VIRMA: variants seen among roughly 807,000 people sequenced by gnomAD.
VIRMA encodes protein virilizer homolog.
VIRMA carries 65 observed loss-of-function variants against 182.4 expected under a neutral mutation model. The ratio of observed to expected loss-of-function variants is 0.36; its 90% confidence interval spans 0.29 to 0.44. The LOEUF (loss-of-function observed/expected upper bound fraction) is 0.44. Ranked by LOEUF, VIRMA falls within the 20% of genes least tolerant of loss-of-function variation. The pLI is 1.00. For synonymous variants in VIRMA, 709 were observed against 743.1 expected, an observed-to-expected ratio of 0.95 and a Z score of 0.75; for missense variants, 1,752 against 2,158.1, an observed-to-expected ratio of 0.81 and a Z score of 3.73.
Position 94,553,436 on chromosome 8 carries a change from G to A in VIRMA, c.12C>T (p.Asp4=). The A allele has an allele frequency of 1.2e-6, 2 of 1,614,220 alleles. No individual in the cohort carries two copies. Among genetic ancestry groups the A allele is most frequent in the African/African-American group, 1.3e-5 (1 of 75,064 alleles). Residue 4 remains aspartate (D), a synonymous_variant, in exon 1 of 24, where the codon GAC becomes GAT. Coordinates refer to ENST00000297591, the MANE Select transcript of VIRMA (RefSeq NM_015496.5). MAV[D]SAMELLFLDT... is the part of the protein sequence containing the mutation. ...CTAAAAATAACAGCTCCATCGCCGAGTCCACCGCCATGTTTGCCGCGGGCG... is the reference window on the plus strand; with the variant it reads ...CTAAAAATAACAGCTCCATCGCCGAATCCACCGCCATGTTTGCCGCGGGCG...
At chr8:94,534,134 T>C (rs1422267125) in intron 5 of VIRMA, 19 of 152,208 alleles carry the variant, frequency 1.2e-4, no homozygotes, top group African/African-American at 4.3e-4. Context: ...AAGTTCTTAT[T>C]TTTCTTGTTT....
chr8:94,491,101 G>A (rs979035349), intron 22 of VIRMA, among the ~76,000 whole-genome samples: 1 of 149,258 alleles, frequency 6.7e-6, no homozygotes, highest in African/African-American at 2.5e-5. Flanking sequence ...ATCACTTGAG[G>A]TCAGGAGTTT....
chr8:94,495,987 C>T lies in VIRMA; in HGVS notation c.4384-96G>A, dbSNP rs1813761585. The T allele has an allele frequency of 4.5e-6, 5 of 1,099,306 alleles. No homozygotes were observed. In the South Asian group the frequency reaches 8.7e-5, roughly 19 times the overall value. The allele number at this position is 1,099,306 out of a possible 1,614,324, so 68.1% of individuals were successfully genotyped here. Reference sequence around the variant, plus strand: ...GTAGAAAAGGCTATATGTATTATTACTAAGAAATTTGGAACACTGTCCAGA... The same window carrying T: ...GTAGAAAAGGCTATATGTATTATTATTAAGAAATTTGGAACACTGTCCAGA... On this transcript the variant is annotated intron_variant, in intron 18 of 23. Transcript: ENST00000297591.
At position 94,519,442 on chromosome 8, in the gene VIRMA, T is replaced by A. The variant is rs748199368; in HGVS notation, c.2056A>T (p.Thr686Ser). 1 of 1,526,946 alleles carries A rather than the reference T, an allele frequency of 6.5e-7. No homozygotes were observed. The highest frequency in any genetic ancestry group is 8.8e-7 in the Non-Finnish European group (1 of 1,142,052). 94.6% of individuals were successfully genotyped at this position (1,526,946 alleles called of 1,614,324 possible). Reference protein sequence around the residue: ...LHSHHFLELVTLLLSIPVTSA... With the variant: ...LHSHHFLELVSLLLSIPVTSA... ...GTTACTGGAATTGACAGAAGCAAGG[T>A]AACCAACTCCAAGAAGTGATGACTG... is the stretch of plus-strand genomic sequence containing the variant. Residue 686 changes from threonine (T) to serine (S), a missense_variant, in exon 9 of 24, where the codon ACC becomes TCC. This residue lies in a region of VIRMA where 401 missense variants were observed against 455.1 expected (regional missense o/e 0.88). Transcript: ENST00000297591.
At chr8:94,506,478 A>G (rs1398175907) in intron 16 of VIRMA, 22 bp downstream of exon 16, 2 of 1,487,190 alleles carry the variant, frequency 1.3e-6, no homozygotes, top group Admixed American at 1.7e-5. Context: ...CTGAGAGTAT[A>G]TTAAATTAGA....
At chr8:94,492,551 C>A (rs1032884971) in intron 21 of VIRMA, 101 bp downstream of exon 21, 2 of 951,320 alleles carry the variant, frequency 2.1e-6, no homozygotes, top group African/African-American at 1.7e-5. Flanking sequence ...GGATTACAGG[C>A]GTGAGCCACC....
chr8:94,506,977 C>A (rs3102841), intron 15 of VIRMA, among the ~76,000 whole-genome samples: 85,662 of 151,832 alleles, frequency 0.56, 24,570 homozygotes, highest in East Asian at 0.81. Flanking sequence ...CAACATCTTT[C>A]AAATTTTTTT....
At position 94,511,581 on chromosome 8, in the gene VIRMA, G is replaced by A; in HGVS notation, c.2994C>T (p.His998=). 8 of 1,614,160 alleles carry A rather than the reference G, an allele frequency of 5.0e-6. No individual in the cohort carries two copies. The highest frequency in any genetic ancestry group is 5.9e-6 in the Non-Finnish European group (7 of 1,180,002). Residue 998 remains histidine (H), a synonymous_variant, in exon 13 of 24, where the codon CAC becomes CAT. Transcript: ENST00000297591. ...RLHVNMGTTL[H]RVTTISMARC... ...GAGCCATTGAAATAGTAGTAACTCT[G>A]TGAAGGGTAGTCCCCATGTTGACAT...
Position 94,492,758 on chromosome 8 carries a change from C to G in VIRMA, c.4702G>C (p.Glu1568Gln). The change falls in exon 21 of 24, where the codon GAA becomes CAA. Residue 1568 changes from glutamate to glutamine, a missense_variant. Glu to Gln is a conservative substitution (Grantham distance 29). Transcript: ENST00000297591. ...TCTGACAAAAATGAGCGCTCTAATT[C>G]TGAGTGCAAATCAAAGTCACTACAG... ...KCCSDFDLHSELERSFLSEPS... is the reference protein window; with the variant it reads ...KCCSDFDLHSQLERSFLSEPS... The G allele has an allele frequency of 1.2e-6, 2 of 1,613,846 alleles. No homozygotes were observed. The highest frequency in any genetic ancestry group is 1.7e-6 in the Non-Finnish European group (2 of 1,179,858).
At chr8:94,507,099 TG>T (rs1250675958) in intron 15 of VIRMA, among the ~76,000 whole-genome samples, 1 of 151,838 alleles carries the variant, frequency 6.6e-6, no homozygotes, top group Admixed American at 6.6e-5. Context: ...GTATCTTTTT[TG>T]GTTTATAAAG....
At chr8:94,517,984 A>AT (rs1323081925) in intron 9 of VIRMA, 42 bp from the exon 10 acceptor site, 1 of 1,515,732 alleles carries the variant, frequency 6.6e-7, no homozygotes, top group South Asian at 1.2e-5. Context: ...TACAAAAACA[A>AT]TTTTTTAGGA....
Position 94,491,789 on chromosome 8 carries a change from T to C in VIRMA, c.4929A>G (p.Lys1643=). 1.2e-6 allele frequency: 2 copies of C among 1,613,914 alleles called. No individual in the cohort carries two copies. The highest frequency in any genetic ancestry group is 1.1e-5 in the South Asian group (1 of 91,046). The change falls in exon 22 of 24, where the codon AAA becomes AAG. Residue 1643 remains lysine (K), a synonymous_variant. Coordinates refer to ENST00000297591, the MANE Select transcript of VIRMA (RefSeq NM_015496.5). The part of the protein sequence containing the change: ...IRPHDIFRQR[K]QNTSRPPSMH... Reference sequence around the variant, plus strand: ...TAGATGGTGGTCTACTTGTGTTCTGTTTTCTCTGACGAAAAATATCATGAG... The same window carrying C: ...TAGATGGTGGTCTACTTGTGTTCTGCTTTCTCTGACGAAAAATATCATGAG...
At chr8:94,535,522 C>T (rs1290961609) in intron 4 of VIRMA, among the ~76,000 whole-genome samples, 8 of 152,158 alleles carry the variant, frequency 5.3e-5, no homozygotes, top group Admixed American at 6.5e-5. Flanking sequence ...CAGTGGCTCA[C>T]GCCTGTAATT....
intron 20 of VIRMA, 31 bp downstream of exon 20, chr8:94,494,828 CG>C (rs778043822): frequency 2.5e-6 from 3 of 1,207,506 alleles, no homozygotes; most frequent in South Asian, 1.3e-5. Context: ...AAAACAATAA[CG>C]TTTTTCTAAA....
At chr8:94,510,741 A>T (rs1814339020) in intron 13 of VIRMA, 89 bp from the exon 14 acceptor site, 1 of 1,012,148 alleles carries the variant, frequency 9.9e-7, no homozygotes, top group South Asian at 1.5e-5. Flanking sequence ...TGTTATGAAA[A>T]GAACATTTTT....
chr8:94,503,557 A>G (rs547823847), intron 16 of VIRMA, among the ~76,000 whole-genome samples: 2 of 152,352 alleles, frequency 1.3e-5, no homozygotes, highest in Admixed American at 1.3e-4. Flanking sequence ...AAAGGATGCA[A>G]TGCAATGTAA....
intron 15 of VIRMA, 41 bp downstream of exon 15, chr8:94,509,635 CACACACACACAT>C: frequency 6.7e-7 from 1 of 1,482,208 alleles, no homozygotes; most frequent in South Asian, 1.4e-5. Context: ...TACACACACA[CACACACACACAT>C]ACACATGCAG....
intron 12 of VIRMA, 75 bp from the exon 13 acceptor site, chr8:94,511,804 A>T: frequency 1.3e-6 from 1 of 787,524 alleles, no homozygotes; most frequent in African/African-American, 1.8e-5. Context: ...TATTAAAGTG[A>T]ATATTTAATA....
At chr8:94,532,180 T>TACTGCAGCCTCCACCA (rs1815195144) in intron 5 of VIRMA, among the ~76,000 whole-genome samples, 1 of 152,176 alleles carries the variant, frequency 6.6e-6, no homozygotes, top group Non-Finnish European at 1.5e-5. Flanking sequence ...AGTCTTGGCT[T>TACTGCAGCCTCCACCA]ACTGCAGCCT....
Sources: allele counts gnomAD v4.1 joint callset (sites outside exome capture counted in the v4.1 genomes callset), GRCh38; gene constraint gnomAD v4.1.1; regional missense constraint gnomAD v4.1.1; transcripts MANE v1.5; gene names NCBI Gene and HGNC (gene_info 2026-07-23, HGNC 2026-07-21).